Variants in AGBL1 observed in about 807,000 individuals in gnomAD.
AGBL1 encodes AGBL carboxypeptidase 1.
In AGBL1, 130 loss-of-function variants were observed where a neutral mutation model predicts 118.9. The ratio of observed to expected loss-of-function variants is 1.09; its 90% CI spans 0.95 to 1.26. AGBL1 has a LOEUF of 1.26. AGBL1 is among the 50% of genes most tolerant of loss of function. AGBL1 has a pLI of 0.00. For synonymous variants in AGBL1, 555 were observed against 478.9 expected (o/e 1.16, Z -2.08); for missense variants, 1,584 against 1,298.1 (o/e 1.22, Z -3.38).
chr15:86,691,991 A>G (rs1004816117), intron 22 of AGBL1, among the ~76,000 whole-genome samples: 2 of 152,008 alleles, frequency 1.3e-5, no homozygotes, highest in African/African-American at 4.8e-5. Context: ...TCTGACTTCA[A>G]AGAGCAATTT....
chr15:86,498,042 CT>C (rs930433371), intron 18 of AGBL1, among the ~76,000 whole-genome samples: 43 of 151,978 alleles, frequency 2.8e-4, no homozygotes, highest in Middle Eastern at 3.4e-3. Context: ...TATATTCAAT[CT>C]TCTACATTTA....
At chr15:86,692,322 T>G (rs1264097250) in intron 22 of AGBL1, among the ~76,000 whole-genome samples, 1 of 152,084 alleles carries the variant, frequency 6.6e-6, no homozygotes, top group Non-Finnish European at 1.5e-5. Flanking sequence ...GAAGGAACTC[T>G]TTACAAAGCA....
At chr15:86,216,257 C>T (rs376690278) in intron 5 of AGBL1, among the ~76,000 whole-genome samples, 2 of 108,078 alleles carry the variant, frequency 1.9e-5, no homozygotes, top group East Asian at 3.2e-4. Flanking sequence ...TTTATTTATT[C>T]ATTTATGCTT....
At chr15:86,919,322 G>T (rs2080461090), downstream of AGBL1, among the ~76,000 whole-genome samples, 1 of 152,164 alleles carries the variant, frequency 6.6e-6, no homozygotes, top group Non-Finnish European at 1.5e-5. Context: ...CCTGTAGTCT[G>T]ACATAAGTCA....
chr15:87,023,061 A>AAAT (rs1483849671), intron 24 of AGBL1, among the ~76,000 whole-genome samples: 1 of 152,078 alleles, frequency 6.6e-6, no homozygotes, highest in African/African-American at 2.4e-5. Context: ...ACCATTTAAA[A>AAAT]AATGAAGTCA....
In AGBL1 at chr15:86,269,919, G is replaced by A. The variant is rs372584442; in HGVS notation, c.1839G>A (p.Glu613=). Residue 613 remains glutamate (E), a splice_region_variant and synonymous_variant, in exon 14 of 23, where the codon GAG becomes GAA. Transcript: ENST00000614907. ...GNLRKAIQVR[E]FEYDLLVNAD... ...CTCCAGTCTTGCTTCTGATCTGCAG[G>A]TTCGAGTATGACTTGCTGGTCAACG... 9 of 1,613,406 alleles carry A rather than the reference G, an allele frequency of 5.6e-6. No homozygotes were observed. In the African/African-American group the frequency reaches 8.0e-5, roughly 14 times the overall value.
downstream of AGBL1, among the ~76,000 whole-genome samples, chr15:86,917,745 G>A (rs958469933): frequency 2.6e-5 from 4 of 151,020 alleles, no homozygotes; most frequent in Admixed American, 6.7e-5. This position sits in a 1 kb window ranked among gnomAD's most constrained non-coding sequence, Gnocchi z 4.8. Context: ...CAAAGATTCG[G>A]GGAGTGGGGC....
At chr15:86,335,042 G>T (rs1388709084) in intron 17 of AGBL1, among the ~76,000 whole-genome samples, 1 of 152,140 alleles carries the variant, frequency 6.6e-6, no homozygotes, top group East Asian at 1.9e-4. Flanking sequence ...TTAAGAAAAT[G>T]AAGGACATAT....
intron 22 of AGBL1, among the ~76,000 whole-genome samples, chr15:86,880,946 G>C (rs747729226): frequency 6.6e-6 from 1 of 152,120 alleles, no homozygotes; most frequent in Non-Finnish European, 1.5e-5. Context: ...AGGGCCAGGG[G>C]AGGGGGCGTC....
chr15:86,689,291 T>G (rs1337209899), intron 22 of AGBL1, among the ~76,000 whole-genome samples: 3 of 152,198 alleles, frequency 2.0e-5, no homozygotes, highest in Non-Finnish European at 4.4e-5. Flanking sequence ...CAGCAAGACT[T>G]TTCATGACCA....
At chr15:86,359,542 A>T (rs2080773165) in intron 17 of AGBL1, among the ~76,000 whole-genome samples, 1 of 150,644 alleles carries the variant, frequency 6.6e-6, no homozygotes, top group African/African-American at 2.4e-5. Flanking sequence ...TGTGTTCCAT[A>T]TCAGTTTTAG....
intron 19 of AGBL1, among the ~76,000 whole-genome samples, chr15:86,525,748 G>C (rs1173551034): frequency 6.6e-6 from 1 of 152,120 alleles, no homozygotes; most frequent in Non-Finnish European, 1.5e-5. Flanking sequence ...TAAGATCTGA[G>C]TCTGTAAAAA....
chr15:86,314,339 A>T (rs1367497102), intron 17 of AGBL1, among the ~76,000 whole-genome samples: 1 of 152,180 alleles, frequency 6.6e-6, no homozygotes, highest in Non-Finnish European at 1.5e-5. Context: ...GGCTAGTAAG[A>T]TCTTCCTTTA....
chr15:86,257,957 C>T lies in AGBL1; in HGVS notation c.902-7C>T, dbSNP rs1271608526. 1.3e-5 allele frequency: 21 copies of T among 1,611,874 alleles called. No individual in the cohort carries two copies. Among genetic ancestry groups the T allele is most frequent in the Non-Finnish European group, 1.8e-5 (21 of 1,179,292 alleles). ...TTCACTTATTTCACCTCTTTTTCCC[C>T]ATCCAGAGGATTTTGAAGATGATGG... On this transcript the variant is annotated splice_region_variant and splice_polypyrimidine_tract_variant and intron_variant, in intron 8 of 22. Transcript: ENST00000614907.
intron 17 of AGBL1, among the ~76,000 whole-genome samples, chr15:86,340,196 G>A (rs983409239): frequency 3.3e-5 from 5 of 151,654 alleles, no homozygotes; most frequent in East Asian, 1.9e-4. Context: ...ATTTTTTGAC[G>A]GAAACCTGTA....
intron 18 of AGBL1, among the ~76,000 whole-genome samples, chr15:86,418,346 C>A (rs1473983061): frequency 6.6e-6 from 1 of 152,178 alleles, no homozygotes; most frequent in Non-Finnish European, 1.5e-5. Flanking sequence ...TCTTGAGAGA[C>A]TTTTGCAAAT....
At chr15:86,540,854 T>C (rs1366658252) in intron 19 of AGBL1, among the ~76,000 whole-genome samples, 1 of 152,216 alleles carries the variant, frequency 6.6e-6, no homozygotes, top group Non-Finnish European at 1.5e-5. Context: ...TCTCCTTCAC[T>C]CTGAATCTTC....
At chr15:86,225,074 T>A in intron 6 of AGBL1, 123 bp downstream of exon 6, 2 of 961,172 alleles carry the variant, frequency 2.1e-6, no homozygotes, top group Non-Finnish European at 3.2e-6. Flanking sequence ...CTCAATCACC[T>A]ATGGCTAATT....
At position 86,408,320 on chromosome 15, in the gene AGBL1, G is replaced by C. The variant is rs116149031; in HGVS notation, c.2555+10774G>C. The stretch of plus-strand genomic sequence containing the variant: ...ACTCCCTTGTGAATTCTCATTCCAA[G>C]GTTTCAGCTCCAAACTTCTCCTTTC... On this transcript the variant is annotated intron_variant, in intron 18 of 22. Coordinates refer to ENST00000614907, the MANE Select transcript of AGBL1 (RefSeq NM_001386094.1). 7.7e-4 allele frequency among the ~76,000 whole-genome samples: 118 copies of C among 152,280 alleles called. 1 individual carries two copies. Among genetic ancestry groups the C allele is most frequent in the African/African-American group, 2.6e-3 (110 of 41,564 alleles).
Sources: allele counts gnomAD v4.1 joint callset (sites outside exome capture counted in the v4.1 genomes callset), GRCh38; gene constraint gnomAD v4.1.1; non-coding constraint Gnocchi (gnomAD v3.1); transcripts MANE v1.5; gene names NCBI Gene and HGNC (gene_info 2026-07-23, HGNC 2026-07-21).